The following CYP20A1 variants were observed in gnomAD, a reference collection of about 807,000 sequenced individuals.
CYP20A1 encodes cytochrome P450 family 20 subfamily A member 1.
In CYP20A1, 61 loss-of-function variants were observed where a neutral mutation model predicts 61.4. The ratio of observed to expected loss-of-function variants is 0.99; its 90% CI spans 0.81 to 1.23. The LOEUF is 1.23. Among genes scored for constraint, CYP20A1 ranks in the 50% most tolerant of loss-of-function variants. The pLI, the probability that CYP20A1 is intolerant of heterozygous loss-of-function variation, is 0.00. For missense variants in CYP20A1, 530 were observed against 542.4 expected, an observed-to-expected ratio of 0.98 and a Z score of 0.23; for synonymous variants, 193 against 188.2, an observed-to-expected ratio of 1.03 and a Z score of -0.21.
chr2:203,269,857 GACCT>G lies in CYP20A1; in HGVS notation c.601-2812_601-2809del, dbSNP rs1211280781. Among the ~76,000 whole-genome samples, 6 of 152,100 alleles carry G rather than the reference GACCT, an allele frequency of 3.9e-5. No individual in the cohort carries two copies. In the East Asian group the frequency reaches 1.2e-3, roughly 29 times the overall value. On this transcript the variant is annotated intron_variant, in intron 5 of 12. Transcript: ENST00000356079. ...TTGGCCAGGCTGGTCTCGAACTCCT[GACCT>G]CAGGTGATCTGCCCACCTCAGCCTC...
chr2:203,251,779 C>CTATATATATATATATA (rs1372940766), intron 3 of CYP20A1, among the ~76,000 whole-genome samples, 188 bp from the exon 4 acceptor site: 1 of 35,058 alleles, frequency 2.9e-5, no homozygotes, highest in Non-Finnish European at 6.6e-5. Flanking sequence ...CAAAAGAAAA[C>CTATATATATATATATA]TATATATATA....
In CYP20A1 at chr2:203,263,415, G is replaced by A. The variant is rs529039351; in HGVS notation, c.433-3099G>A. Among the ~76,000 whole-genome samples, 7 of 150,702 alleles carry A rather than the reference G, an allele frequency of 4.6e-5. No individual in the cohort carries two copies. The South Asian group carries it at 6.3e-4, about 14-fold the overall frequency. ...AGTGATTCTCCTGCCTCAGCCTCCC[G>A]AGTAGCTGGGATTACAGGCGCCTGC... On this transcript the variant is annotated intron_variant, in intron 4 of 12. Coordinates refer to ENST00000356079, the MANE Select transcript of CYP20A1 (RefSeq NM_177538.3).
At position 203,260,511 on chromosome 2, in the gene CYP20A1, C is replaced by T. The variant is rs373738804; in HGVS notation, c.433-6003C>T. ...TGCTGGGATTACAGGCGTGAGCCAC[C>T]GCGTCTGGCCTGTTTTTAATTTTTA... On this transcript the variant is annotated intron_variant, in intron 4 of 12. Coordinates refer to ENST00000356079, the MANE Select transcript of CYP20A1 (RefSeq NM_177538.3). Among the ~76,000 whole-genome samples the T allele has an allele frequency of 8.3e-4, 126 of 152,166 alleles. 1 individual carries two copies. In the South Asian group the frequency reaches 0.01, roughly 13 times the overall value.
chr2:203,283,028 T>A (rs1181630186), intron 8 of CYP20A1, among the ~76,000 whole-genome samples: 2 of 151,952 alleles, frequency 1.3e-5, no homozygotes, highest in African/African-American at 4.8e-5. Context: ...AAATTGTAGT[T>A]AGCTGTGCAT....
At position 203,301,082 on chromosome 2, in the gene CYP20A1, G is replaced by T; in HGVS notation, c.*4174G>T. Reference sequence around the variant, plus strand: ...GTGGTGGCACATGCCTTTAATCCCAGCTACTGGGGAGGCTGAAACAGGAGA... The same window carrying T: ...GTGGTGGCACATGCCTTTAATCCCATCTACTGGGGAGGCTGAAACAGGAGA... On this transcript the variant is annotated 3_prime_UTR_variant, in exon 13 of 13. Coordinates refer to ENST00000356079, the MANE Select transcript of CYP20A1 (RefSeq NM_177538.3). 6.6e-6 allele frequency among the ~76,000 whole-genome samples: 1 copy of T among 150,960 alleles called. No individual in the cohort carries two copies.
intron 1 of CYP20A1, among the ~76,000 whole-genome samples, chr2:203,244,905 T>C (rs2066403345): frequency 6.6e-6 from 1 of 151,878 alleles, no homozygotes. Context: ...GCTAATTTTT[T>C]GTATTTTTAG....
intron 6 of CYP20A1, among the ~76,000 whole-genome samples, chr2:203,275,696 T>A (rs894480010): frequency 6.6e-6 from 1 of 152,210 alleles, no homozygotes; most frequent in African/African-American, 2.4e-5. Flanking sequence ...CACCTCGGCC[T>A]CCCAAAGTGC....
chr2:203,270,281 A>G (rs780469770), intron 5 of CYP20A1, among the ~76,000 whole-genome samples: 2 of 151,928 alleles, frequency 1.3e-5, no homozygotes, highest in Non-Finnish European at 1.5e-5. Context: ...ACCAAAAATC[A>G]TATTTTTATA....
At chr2:203,256,384 G>C (rs1268022012) in intron 4 of CYP20A1, among the ~76,000 whole-genome samples, 2 of 151,916 alleles carry the variant, frequency 1.3e-5, no homozygotes, top group Non-Finnish European at 2.9e-5. Context: ...TTTTGAGATG[G>C]AGTCTCGCTC....
intron 9 of CYP20A1, among the ~76,000 whole-genome samples, chr2:203,286,730 C>T (rs1177414392): frequency 6.6e-6 from 1 of 152,156 alleles, no homozygotes; most frequent in African/African-American, 2.4e-5. Flanking sequence ...TCATATATTA[C>T]TTGTGGTTGT....
At position 203,273,645 on chromosome 2, in the gene CYP20A1, A is replaced by T. The variant is rs76195997; in HGVS notation, c.679+897A>T. ...TGAGAGACCCCATCTCAAAAAATTT[A>T]AAAAATTAGCAACATAGGCCCAGTG... is the stretch of plus-strand genomic sequence containing the variant. On this transcript the variant is annotated intron_variant, in intron 6 of 12. Transcript: ENST00000356079. Among the ~76,000 whole-genome samples, 498 of 152,152 alleles carry T rather than the reference A, an allele frequency of 3.3e-3. 7 individuals are homozygous for T. The highest frequency in any genetic ancestry group is 0.011 in the African/African-American group (439 of 41,514).
chr2:203,245,563 A>G (rs2066434247), intron 1 of CYP20A1, among the ~76,000 whole-genome samples: 1 of 152,008 alleles, frequency 6.6e-6, no homozygotes, highest in South Asian at 2.1e-4. Context: ...CTCTTCATTT[A>G]GCCCCCACTT....
intron 4 of CYP20A1, among the ~76,000 whole-genome samples, chr2:203,264,341 C>T (rs771444471): frequency 1.3e-5 from 2 of 152,048 alleles, no homozygotes; most frequent in African/African-American, 4.8e-5. Flanking sequence ...TGTTTTCCAA[C>T]TTAGTCTTAT....
rs531597700 is a variant in CYP20A1, at chr2:203,242,266, A to G, written c.72+3132A>G. Among the ~76,000 whole-genome samples, 11 of 152,304 alleles carry G rather than the reference A, an allele frequency of 7.2e-5. No homozygotes were observed. The East Asian group carries it at 2.1e-3, about 29-fold the overall frequency. Reference sequence around the variant, plus strand: ...CTTCCAAAGATCTGGGATTACAGGCATGAGCCACCGCAACATTTGTAATCT... The same window carrying G: ...CTTCCAAAGATCTGGGATTACAGGCGTGAGCCACCGCAACATTTGTAATCT... On this transcript the variant is annotated intron_variant, in intron 1 of 12. Transcript: ENST00000356079.
At chr2:203,244,131 C>G (rs949514956) in intron 1 of CYP20A1, among the ~76,000 whole-genome samples, 1 of 152,222 alleles carries the variant, frequency 6.6e-6, no homozygotes, top group South Asian at 2.1e-4. Flanking sequence ...CCCCGCCCCC[C>G]GTCTCTTCAC....
At chr2:203,257,947 G>T (rs1003510002) in intron 4 of CYP20A1, among the ~76,000 whole-genome samples, 1 of 152,200 alleles carries the variant, frequency 6.6e-6, no homozygotes, top group Non-Finnish European at 1.5e-5. Flanking sequence ...TGTTGCCTGG[G>T]CTCAAGTGCA....
intron 1 of CYP20A1, among the ~76,000 whole-genome samples, chr2:203,242,605 T>C (rs1248672331): frequency 6.6e-6 from 1 of 151,978 alleles, no homozygotes; most frequent in East Asian, 1.9e-4. Flanking sequence ...CTGAGCATTA[T>C]AGTAAGACCT....
chr2:203,272,472 G>T (rs149452026), intron 5 of CYP20A1, among the ~76,000 whole-genome samples, 198 bp from the exon 6 acceptor site: 46 of 151,154 alleles, frequency 3.0e-4, no homozygotes, highest in Middle Eastern at 3.4e-3. Context: ...AGCCTGGGAG[G>T]TGGAGGTTGC....
chr2:203,241,240 G>A (rs1272448458), intron 1 of CYP20A1, among the ~76,000 whole-genome samples: 1 of 152,138 alleles, frequency 6.6e-6, no homozygotes, highest in African/African-American at 2.4e-5. Flanking sequence ...GGAGGTAGTG[G>A]GGATTTATAG....
Sources: allele counts gnomAD v4.1 joint callset (sites outside exome capture counted in the v4.1 genomes callset), GRCh38; gene constraint gnomAD v4.1.1; transcripts MANE v1.5; gene names NCBI Gene and HGNC (gene_info 2026-07-23, HGNC 2026-07-21).